The following ABL1 variants were observed in gnomAD, a reference collection of about 807,000 sequenced individuals.
ABL1 encodes the protein tyrosine-protein kinase ABL1.
In ABL1, 11 loss-of-function variants were observed where a neutral mutation model predicts 94.7. That is an observed-to-expected ratio of 0.12 (90% CI 0.07 to 0.19). ABL1 has a LOEUF of 0.19. ABL1 is among the 10% of genes least tolerant of loss of function. ABL1 has a pLI of 1.00. For missense variants in ABL1, 1,082 were observed against 1,489.4 expected, an observed-to-expected ratio of 0.73 and a Z score of 4.50; for synonymous variants, 656 against 622.4, an observed-to-expected ratio of 1.05 and a Z score of -0.80.
chr9:130,880,601 G>A lies in ABL1; in HGVS notation c.1615G>A (p.Ala539Thr), dbSNP rs1463481185. The A allele has an allele frequency of 6.2e-7, 1 of 1,613,822 alleles. No individual in the cohort carries two copies. The highest frequency in any genetic ancestry group is 8.5e-7 in the Non-Finnish European group (1 of 1,179,878). ...PTKTRTSRRA[A>T]EHRDTTDVPE... ...CAAGACGAGGACCTCCAGGAGAGCT[G>A]CAGAGCACAGAGACACCACTGACGT... Residue 539 changes from alanine (A) to threonine (T), a missense_variant, in exon 10 of 11, where the codon GCA (alanine) becomes ACA (threonine). By Grantham distance (58) the Ala-to-Thr change is moderately conservative. Transcript: ENST00000318560. This position sits in a 1 kb window ranked among gnomAD's most constrained non-coding sequence, Gnocchi z 4.4.
chr9:130,885,008 T>C lies in ABL1; in HGVS notation c.2718T>C (p.Ser906=). The change falls in exon 11 of 11, where the codon TCT becomes TCC. Residue 906 remains serine (S), a synonymous_variant. Coordinates refer to ENST00000318560, the MANE Select transcript of ABL1 (RefSeq NM_005157.6). ...KPAPPPPPAA[S]AGKAGGKPSQ... is the part of the protein sequence containing the mutation. ...CCCCGCCGCCCCCACCAGCAGCCTC[T>C]GCAGGGAAGGCTGGAGGAAAGCCCT... 4 of 1,611,738 alleles carry C rather than the reference T, an allele frequency of 2.5e-6. No individual in the cohort carries two copies. Among genetic ancestry groups the C allele is most frequent in the Non-Finnish European group, 3.4e-6 (4 of 1,179,590 alleles).
chr9:130,835,136 C>A, upstream of ABL1: 1 of 232,820 alleles, frequency 4.3e-6, no homozygotes, highest in Non-Finnish European at 8.7e-6. This position sits in a 1 kb window ranked among gnomAD's most constrained non-coding sequence, Gnocchi z 4.6. Flanking sequence ...TTGGGCCGGG[C>A]TCGGCCTCGG....
In ABL1 at chr9:130,887,035, A is replaced by C. The variant is rs984664250; in HGVS notation, c.*1352A>C. On this transcript the variant is annotated 3_prime_UTR_variant, in exon 11 of 11. Coordinates refer to ENST00000318560, the MANE Select transcript of ABL1 (RefSeq NM_005157.6). ...TCTCCCCGAGGCTGCCCCAGGCCGG[A>C]GCCCAGATACGGGGGCTGTGACTCT... The C allele has an allele frequency of 2.1e-5, 5 of 232,924 alleles. No individual in the cohort carries two copies. The highest frequency in any genetic ancestry group is 4.2e-5 in the Non-Finnish European group (5 of 117,936). The allele number at this position is 232,924 out of a possible 1,614,324, so 14.4% of individuals were successfully genotyped here.
intron 1 of ABL1, among the ~76,000 whole-genome samples, chr9:130,780,868 A>G (rs1408808566): frequency 6.6e-6 from 1 of 152,244 alleles, no homozygotes; most frequent in African/African-American, 2.4e-5. Flanking sequence ...AAGACAGTCA[A>G]ATTGTTTTGC....
Position 130,884,041 on chromosome 9 carries a change from T to C in ABL1, c.1751T>C (p.Leu584Pro), listed in dbSNP as rs1427552095. 6.2e-7 allele frequency: 1 copy of C among 1,613,882 alleles called. No individual in the cohort carries two copies. Among genetic ancestry groups the C allele is most frequent in the African/African-American group, 1.3e-5 (1 of 75,032 alleles). The part of the protein sequence containing the change: ...RKERGPPEGG[L>P]NEDERLLPKD... ...GAGCGAGGTCCCCCGGAGGGCGGCC[T>C]GAATGAAGATGAGCGCCTTCTCCCC... Residue 584 changes from leucine to proline, a missense_variant, in exon 11 of 11, where the codon CTG becomes CCG. By Grantham distance (98) the Leu-to-Pro change is moderately conservative. Coordinates refer to ENST00000318560, the MANE Select transcript of ABL1 (RefSeq NM_005157.6). The surrounding 1 kb of genome is among the most constrained non-coding windows in gnomAD (Gnocchi z 5.6).
chr9:130,731,433 AAAG>A (rs1564271904), intron 1 of ABL1, among the ~76,000 whole-genome samples: 1 of 152,170 alleles, frequency 6.6e-6, no homozygotes, highest in African/African-American at 2.4e-5. Flanking sequence ...CTAAGGTCAC[AAAG>A]AAGTTTCACT....
At chr9:130,873,708 A>C (rs35649732) in intron 6 of ABL1, among the ~76,000 whole-genome samples, 106 of 152,312 alleles carry the variant, frequency 7.0e-4, no homozygotes, top group African/African-American at 2.5e-3. Context: ...TTGCTGGTGG[A>C]AATGGCTTCC....
exon 1 of ABL1, chr9:130,714,088 A>T: frequency 7.4e-6 from 3 of 405,026 alleles, no homozygotes; most frequent in South Asian, 1.5e-4. Flanking sequence ...CATTGCAATT[A>T]CATGAAATTG....
Position 130,876,738 on chromosome 9 carries a change from T to C in ABL1, c.1271-1677T>C, listed in dbSNP as rs1254775677. Among the ~76,000 whole-genome samples, 648 of 129,384 alleles carry C rather than the reference T, an allele frequency of 5.0e-3. 13 individuals are homozygous for C. Among genetic ancestry groups the C allele is most frequent in the Non-Finnish European group, 3.6e-3 (225 of 61,982 alleles). 84.9% of individuals were successfully genotyped at this position (129,384 alleles called of 152,430 possible). A position where few individuals can be genotyped will look rare whatever the true frequency, so the allele number is the denominator to read the frequency against. On this transcript the variant is annotated intron_variant, in intron 7 of 10. Transcript: ENST00000318560. ...GCCCTGCCACAAGTTGGTTTCTTTT[T>C]TTTTTTTTTTTTTTTTTTGAGACAG...
chr9:130,719,134 A>G (rs1831483670), intron 1 of ABL1, among the ~76,000 whole-genome samples: 1 of 152,196 alleles, frequency 6.6e-6, no homozygotes, highest in African/African-American at 2.4e-5. Context: ...TTGGAGCTTT[A>G]GGTGGAATCG....
intron 4 of ABL1, among the ~76,000 whole-genome samples, chr9:130,869,537 T>C (rs112860784): frequency 0.019 from 2,940 of 152,320 alleles, 88 homozygotes; most frequent in African/African-American, 0.065. Flanking sequence ...CCGCCCAGAA[T>C]GTTCATCTGC....
intron 4 of ABL1, among the ~76,000 whole-genome samples, chr9:130,867,758 C>A (rs1237171177): frequency 6.6e-6 from 1 of 152,192 alleles, no homozygotes; most frequent in East Asian, 1.9e-4. Flanking sequence ...CCTGCTGTTG[C>A]CAGGTTGCAC....
rs1193337105 is a variant in ABL1 at position 130,766,695 on chromosome 9, G to A, written c.136+52240G>A. On this transcript the variant is annotated intron_variant, in intron 1 of 10. Coordinates refer to the ABL1 transcript ENST00000372348. ...CTCCTCTGCCCTCTCTTTCTTGTCC[G>A]ATACAGTCACAAGTGCCTAGAATAA... Among the ~76,000 whole-genome samples the A allele has an allele frequency of 4.6e-5, 7 of 152,080 alleles. 1 individual carries two copies. Among genetic ancestry groups the A allele is most frequent in the Non-Finnish European group, 7.4e-5 (5 of 67,986 alleles).
At position 130,798,390 on chromosome 9, in the gene ABL1, G is replaced by T. The variant is rs4740371; in HGVS notation, c.137-55674G>T. Reference sequence around the variant, plus strand: ...TGTGGGACTTAGAAAAGCTATATTAGTGATGGTTATTAAGTATCGCTTGCA... The same window carrying T: ...TGTGGGACTTAGAAAAGCTATATTATTGATGGTTATTAAGTATCGCTTGCA... On this transcript the variant is annotated intron_variant, in intron 1 of 10. Transcript: ENST00000372348. 1.2e-4 allele frequency among the ~76,000 whole-genome samples: 19 copies of T among 152,020 alleles called. 1 individual carries two copies. The highest frequency in any genetic ancestry group is 4.4e-4 in the African/African-American group (18 of 41,324).
chr9:130,816,608 A>G (rs2132869273), intron 1 of ABL1, among the ~76,000 whole-genome samples: 1 of 151,838 alleles, frequency 6.6e-6, no homozygotes, highest in African/African-American at 2.4e-5. Flanking sequence ...GAAACAAGTT[A>G]TCTATTTCCA....
At chr9:130,806,328 G>A (rs955931117) in intron 1 of ABL1, among the ~76,000 whole-genome samples, 2 of 152,166 alleles carry the variant, frequency 1.3e-5, no homozygotes, top group Non-Finnish European at 2.9e-5. Flanking sequence ...GAGGCAAAAA[G>A]ACTAAAGCTG....
Position 130,862,473 on chromosome 9 carries a change from C to T in ABL1, c.550-290C>T, listed in dbSNP as rs374455998. On this transcript the variant is annotated intron_variant, in intron 3 of 10. Transcript: ENST00000318560. The surrounding 1 kb of genome is among the most constrained non-coding windows in gnomAD (Gnocchi z 5.5). Reference sequence around the variant, plus strand: ...TTAAAACTGGCCTTGGAACGGGAAGCGAGAACTGGGCACGGAAGATGAGGG... The same window carrying T: ...TTAAAACTGGCCTTGGAACGGGAAGTGAGAACTGGGCACGGAAGATGAGGG... 1.1e-4 allele frequency among the ~76,000 whole-genome samples: 16 copies of T among 152,240 alleles called. No homozygotes were observed. The highest frequency in any genetic ancestry group is 3.9e-4 in the Admixed American group (6 of 15,286).
At chr9:130,877,974 G>A (rs1314368209) in intron 7 of ABL1, among the ~76,000 whole-genome samples, 9 of 145,548 alleles carry the variant, frequency 6.2e-5, no homozygotes, top group African/African-American at 2.2e-4. Flanking sequence ...CACCACGCCC[G>A]GCTAATTTTT....
chr9:130,813,403 T>C (rs1194319195), intron 1 of ABL1, among the ~76,000 whole-genome samples: 1 of 149,692 alleles, frequency 6.7e-6, no homozygotes, highest in African/African-American at 2.5e-5. Context: ...CTACTAAAAA[T>C]ACAAAAAATC....
Sources: allele counts gnomAD v4.1 joint callset (sites outside exome capture counted in the v4.1 genomes callset), GRCh38; gene constraint gnomAD v4.1.1; non-coding constraint Gnocchi (gnomAD v3.1); transcripts MANE v1.5; gene names NCBI Gene and HGNC (gene_info 2026-07-23, HGNC 2026-07-21).